ARPP21: variants seen among roughly 807,000 people sequenced by gnomAD.
ARPP21 encodes the protein cAMP regulated phosphoprotein 21.
Under a neutral mutation model 113.2 loss-of-function variants are expected in ARPP21, and 69 were observed. That is an observed-to-expected ratio of 0.61 (90% CI 0.50 to 0.74). The LOEUF is 0.74. Among genes scored for constraint, ARPP21 ranks in the 30% least tolerant of loss-of-function variants. The pLI, the probability that ARPP21 is intolerant of heterozygous loss-of-function variation, is 0.00. For synonymous variants in ARPP21, 368 were observed against 375.5 expected, an observed-to-expected ratio of 0.98 and a Z score of 0.23; for missense variants, 1,070 against 1,037.4, an observed-to-expected ratio of 1.03 and a Z score of -0.43.
At chr3:35,765,434 C>T (rs1243732060) in intron 19 of ARPP21, among the ~76,000 whole-genome samples, 1 of 152,116 alleles carries the variant, frequency 6.6e-6, no homozygotes, top group African/African-American at 2.4e-5. Flanking sequence ...GTGTAGTTAA[C>T]TGGATCCCCT....
At chr3:35,652,777 G>C (rs1042596240) in intron 1 of ARPP21, among the ~76,000 whole-genome samples, 1 of 152,018 alleles carries the variant, frequency 6.6e-6, no homozygotes, top group Non-Finnish European at 1.5e-5. Flanking sequence ...GAACTTGTTA[G>C]GGAAGCTACC....
chr3:35,757,218 C>G (rs1395020214), intron 19 of ARPP21, among the ~76,000 whole-genome samples: 2 of 149,926 alleles, frequency 1.3e-5, no homozygotes, highest in Non-Finnish European at 3.0e-5. Context: ...GCCACCACAT[C>G]TGGCTAATTA....
At chr3:35,775,823 A>G (rs2096347492) in intron 19 of ARPP21, among the ~76,000 whole-genome samples, 2 of 152,176 alleles carry the variant, frequency 1.3e-5, no homozygotes, top group South Asian at 2.1e-4. Flanking sequence ...TATAATCTGT[A>G]ATATGTTTTT....
chr3:35,746,388 C>A (rs2095050854), intron 19 of ARPP21, among the ~76,000 whole-genome samples: 1 of 152,142 alleles, frequency 6.6e-6, no homozygotes, highest in Admixed American at 6.5e-5. Flanking sequence ...ATGGTCATGG[C>A]AGTCATTTGT....
chr3:35,646,566 A>C (rs773109344), intron 1 of ARPP21, among the ~76,000 whole-genome samples: 6 of 152,090 alleles, frequency 3.9e-5, no homozygotes, highest in Non-Finnish European at 7.4e-5. Context: ...CTTTTGGTTA[A>C]AAATATGGAA....
intron 19 of ARPP21, among the ~76,000 whole-genome samples, chr3:35,788,144 A>G (rs1361867000): frequency 6.6e-6 from 1 of 152,216 alleles, no homozygotes; most frequent in African/African-American, 2.4e-5. Flanking sequence ...CAGATACTGT[A>G]AAGTGGCAAA....
intron 1 of ARPP21, among the ~76,000 whole-genome samples, chr3:35,658,293 T>G (rs1705963412): frequency 6.6e-6 from 1 of 152,126 alleles, no homozygotes; most frequent in African/African-American, 2.4e-5. Context: ...TGAACCGTTT[T>G]CTTTCTTTCT....
At chr3:35,695,515 C>T (rs895071081) in intron 9 of ARPP21, among the ~76,000 whole-genome samples, 1 of 151,506 alleles carries the variant, frequency 6.6e-6, no homozygotes, top group African/African-American at 2.4e-5. Context: ...TGTAGTGCAA[C>T]TCTTTGTAGA....
intron 9 of ARPP21, among the ~76,000 whole-genome samples, chr3:35,693,509 G>C (rs1413097186): frequency 1.3e-5 from 2 of 151,582 alleles, no homozygotes; most frequent in Non-Finnish European, 3.0e-5. Context: ...TATCCAAATA[G>C]GAACAAATCA....
chr3:35,656,291 T>G (rs1262498087), intron 1 of ARPP21, among the ~76,000 whole-genome samples: 1 of 152,024 alleles, frequency 6.6e-6, no homozygotes, highest in Non-Finnish European at 1.5e-5. Flanking sequence ...GACTGGATAT[T>G]CTAAAAATCA....
rs1341329631 is a variant in ARPP21, at chr3:35,667,215, T to C, written c.-212-12572T>C. The stretch of plus-strand genomic sequence containing the variant: ...GTCTCCAATAAGTATATTTAAATTG[T>C]TTTAAATTGATACTATTTATATTAA... On this transcript the variant is annotated intron_variant, in intron 1 of 20. Transcript: ENST00000684406. Among the ~76,000 whole-genome samples the C allele has an allele frequency of 2.0e-5, 3 of 152,334 alleles. No homozygotes were observed. The East Asian group carries it at 5.8e-4, about 29-fold the overall frequency.
Position 35,739,207 on chromosome 3 carries a change from T to C in ARPP21, c.1750-110T>C. The C allele has an allele frequency of 3.1e-6, 4 of 1,290,058 alleles. No individual in the cohort carries two copies. In the South Asian group the frequency reaches 5.9e-5, roughly 19 times the overall value. The allele number at this position is 1,290,058 out of a possible 1,614,324, so 79.9% of individuals were successfully genotyped here. On this transcript the variant is annotated intron_variant, in intron 17 of 20. Transcript: ENST00000684406. The stretch of plus-strand genomic sequence containing the variant: ...TTATTTTATTTTTTCCAAATTGTAC[T>C]TCCTGTCTCTCCCACAACTCCAAGA...
chr3:35,641,491 T>C (rs1236692049), intron 1 of ARPP21: 7 of 143,356 alleles, frequency 4.9e-5, no homozygotes, highest in African/African-American at 1.9e-4. Flanking sequence ...CCTTTGTGTA[T>C]GTATTACCAC....
At chr3:35,670,829 G>A (rs1277555355) in intron 1 of ARPP21, among the ~76,000 whole-genome samples, 1 of 152,126 alleles carries the variant, frequency 6.6e-6, no homozygotes, top group African/African-American at 2.4e-5. Flanking sequence ...TCAACAAGCT[G>A]GTATCGATAG....
chr3:35,753,296 C>T (rs1184744957), intron 19 of ARPP21, among the ~76,000 whole-genome samples: 2 of 151,894 alleles, frequency 1.3e-5, no homozygotes, highest in Non-Finnish European at 2.9e-5. Context: ...CAAATCAATT[C>T]ATGTCAACAT....
At chr3:35,684,522 A>T in intron 5 of ARPP21, 1 of 985,724 alleles carries the variant, frequency 1.0e-6, no homozygotes, top group Non-Finnish European at 1.2e-6. Context: ...CCTTTCAGGC[A>T]TCATATTAGC....
intron 14 of ARPP21, among the ~76,000 whole-genome samples, chr3:35,725,999 G>C (rs2093506568): frequency 6.6e-6 from 1 of 152,174 alleles, no homozygotes. Context: ...GCCTGGGTTT[G>C]AGCTTGGATT....
intron 19 of ARPP21, among the ~76,000 whole-genome samples, chr3:35,773,587 C>G (rs964586857): frequency 1.3e-5 from 2 of 152,098 alleles, no homozygotes; most frequent in African/African-American, 4.8e-5. Context: ...CAAATAGCAG[C>G]TCTCTCACAC....
chr3:35,769,055 T>C (rs546342997), intron 19 of ARPP21, among the ~76,000 whole-genome samples: 9 of 152,310 alleles, frequency 5.9e-5, no homozygotes, highest in Admixed American at 3.9e-4. Flanking sequence ...TCTTTCTCTC[T>C]CACTCTCTGT....
Sources: allele counts gnomAD v4.1 joint callset (sites outside exome capture counted in the v4.1 genomes callset), GRCh38; gene constraint gnomAD v4.1.1; transcripts MANE v1.5; gene names NCBI Gene and HGNC (gene_info 2026-07-23, HGNC 2026-07-21).